The following CUL1 variants were observed in gnomAD, a reference collection of about 807,000 sequenced individuals.
The protein encoded by CUL1 is cullin 1, also known as cullin-1.
A neutral mutation model predicts 118.0 loss-of-function variants in CUL1; 24 were observed. The ratio of observed to expected loss-of-function variants is 0.20; its 90% CI spans 0.15 to 0.29. The LOEUF (loss-of-function observed/expected upper bound fraction) is 0.29, where lower values mean the gene tolerates loss of function less well. Ranked by LOEUF, CUL1 falls within the 10% of genes least tolerant of loss-of-function variation. The pLI, the probability that CUL1 is intolerant of heterozygous loss-of-function variation, is 1.00. For synonymous variants in CUL1, 332 were observed against 340.4 expected (o/e 0.98, Z 0.27); for missense variants, 361 against 933.8 (o/e 0.39, Z 7.99).
chr7:148,707,020 G>A (rs903734806), intron 1 of CUL1, among the ~76,000 whole-genome samples: 3 of 151,426 alleles, frequency 2.0e-5, no homozygotes, highest in Non-Finnish European at 4.4e-5. Flanking sequence ...TATCTTATAG[G>A]GTATGTATAT....
chr7:148,797,696 T>C, intron 17 of CUL1, 116 bp from the exon 18 acceptor site: 2 of 772,080 alleles, frequency 2.6e-6, no homozygotes, highest in Non-Finnish European at 4.1e-6. Context: ...ACTCTTCTTT[T>C]GGGTGATTTT....
intron 2 of CUL1, among the ~76,000 whole-genome samples, chr7:148,732,315 G>A (rs778635760): frequency 2.6e-5 from 4 of 151,336 alleles, no homozygotes; most frequent in Non-Finnish European, 5.9e-5. Flanking sequence ...ACCTTATTGA[G>A]ATGTAATTAA....
intron 9 of CUL1, among the ~76,000 whole-genome samples, chr7:148,768,191 C>T (rs1388937885): frequency 2.6e-5 from 4 of 152,042 alleles, no homozygotes; most frequent in Non-Finnish European, 5.9e-5. Flanking sequence ...TTCTCTACAC[C>T]CCTCCGCTTC....
intron 16 of CUL1, among the ~76,000 whole-genome samples, chr7:148,791,516 C>T (rs958043099): frequency 4.6e-5 from 7 of 152,244 alleles, no homozygotes; most frequent in African/African-American, 1.7e-4. Context: ...ATGTGTTCCA[C>T]TACAGTACCT....
chr7:148,791,828 C>T (rs941105625), intron 16 of CUL1, among the ~76,000 whole-genome samples: 9 of 152,240 alleles, frequency 5.9e-5, no homozygotes, highest in Non-Finnish European at 1.0e-4. Flanking sequence ...AGGAAGGCGT[C>T]CTCGGGGTGT....
intron 16 of CUL1, among the ~76,000 whole-genome samples, chr7:148,791,829 C>G (rs1351508056): frequency 6.6e-6 from 1 of 152,244 alleles, no homozygotes; most frequent in African/African-American, 2.4e-5. Flanking sequence ...GGAAGGCGTC[C>G]TCGGGGTGTT....
intron 1 of CUL1, among the ~76,000 whole-genome samples, chr7:148,707,242 G>A (rs1342279851): frequency 6.6e-6 from 1 of 152,112 alleles, no homozygotes; most frequent in African/African-American, 2.4e-5. Flanking sequence ...CTTGGAACGA[G>A]CACCTGGAAA....
Position 148,800,664 on chromosome 7 carries a change from GC to G in CUL1, c.*84del. On this transcript the variant is annotated 3_prime_UTR_variant, in exon 22 of 22. Coordinates refer to ENST00000325222, the MANE Select transcript of CUL1 (RefSeq NM_003592.3). This position sits in a 1 kb window ranked among gnomAD's most constrained non-coding sequence, Gnocchi z 4.6. ...ATGAAAACAACTCAAGTTCATAGCAGCCAGCCTGCCGCCATTGGACCTCCCT... is the reference window on the plus strand; with the variant it reads ...ATGAAAACAACTCAAGTTCATAGCAGCAGCCTGCCGCCATTGGACCTCCCT... The G allele has an allele frequency of 8.8e-7, 1 of 1,137,956 alleles. No homozygotes were observed. Among genetic ancestry groups the G allele is most frequent in the Non-Finnish European group, 1.3e-6 (1 of 770,586 alleles). The allele number at this position is 1,137,956 out of a possible 1,614,324, so 70.5% of individuals were successfully genotyped here. A position where few individuals can be genotyped will look rare whatever the true frequency, so the allele number is the denominator to read the frequency against.
intron 2 of CUL1, among the ~76,000 whole-genome samples, chr7:148,746,757 A>G (rs1799321192): frequency 6.6e-6 from 1 of 152,230 alleles, no homozygotes; most frequent in African/African-American, 2.4e-5. Context: ...TAAAAATTCC[A>G]TCTGATGAAA....
At chr7:148,749,325 G>A (rs1265984681) in intron 2 of CUL1, among the ~76,000 whole-genome samples, 1 of 141,732 alleles carries the variant, frequency 7.1e-6, no homozygotes, top group South Asian at 2.3e-4. Context: ...GCTGAGGCAG[G>A]AGAATCACTT....
intron 17 of CUL1, among the ~76,000 whole-genome samples, chr7:148,795,368 G>A (rs1801151288): frequency 6.6e-6 from 1 of 151,994 alleles, no homozygotes; most frequent in Non-Finnish European, 1.5e-5. Flanking sequence ...CTGGGCTCAA[G>A]TGACACTTTC....
At chr7:148,766,468 C>G in intron 7 of CUL1, 93 bp from the exon 8 acceptor site, 2 of 1,106,016 alleles carry the variant, frequency 1.8e-6, no homozygotes, top group Admixed American at 5.6e-5. Flanking sequence ...TTTAATTTGC[C>G]ATTTTTCAGT....
chr7:148,772,464 A>ATT (rs1800247206), intron 9 of CUL1, among the ~76,000 whole-genome samples: 1 of 151,998 alleles, frequency 6.6e-6, no homozygotes, highest in Non-Finnish European at 1.5e-5. Context: ...TGATGGGCTT[A>ATT]TTGAAACATT....
chr7:148,734,032 AAAAAAAAAG>A (rs1798857557), intron 2 of CUL1, among the ~76,000 whole-genome samples: 1 of 137,156 alleles, frequency 7.3e-6, no homozygotes, highest in Non-Finnish European at 1.6e-5. Flanking sequence ...GAAAAGCCAA[AAAAAAAAAG>A]AAAAGAAAAG....
At chr7:148,703,543 T>C (rs925964071) in intron 1 of CUL1, among the ~76,000 whole-genome samples, 1 of 123,958 alleles carries the variant, frequency 8.1e-6, no homozygotes, top group Non-Finnish European at 1.7e-5. Flanking sequence ...TTGTTTTTTG[T>C]TTTTTTTGAG....
intron 1 of CUL1, among the ~76,000 whole-genome samples, chr7:148,725,214 C>CGT (rs201866241): frequency 0.052 from 6,849 of 131,654 alleles, 469 homozygotes; most frequent in African/African-American, 0.21. Flanking sequence ...CACACACACG[C>CGT]GCGCGCTCAC....
At chr7:148,784,828 A>G (rs1800764484) in intron 11 of CUL1, among the ~76,000 whole-genome samples, 1 of 152,242 alleles carries the variant, frequency 6.6e-6, no homozygotes, top group South Asian at 2.1e-4. Flanking sequence ...TACAAAAAAG[A>G]CCGAGAAATA....
chr7:148,746,445 G>A (rs544709092), intron 2 of CUL1, among the ~76,000 whole-genome samples: 76 of 152,212 alleles, frequency 5.0e-4, no homozygotes, highest in African/African-American at 1.6e-3. Flanking sequence ...ACAAACCTTT[G>A]GATATCAAGA....
intron 2 of CUL1, among the ~76,000 whole-genome samples, chr7:148,731,433 A>G (rs991783786): frequency 3.3e-5 from 5 of 152,360 alleles, no homozygotes; most frequent in African/African-American, 1.2e-4. Flanking sequence ...ATATAAAACT[A>G]TGTCAATCTC....
Sources: allele counts gnomAD v4.1 joint callset (sites outside exome capture counted in the v4.1 genomes callset), GRCh38; gene constraint gnomAD v4.1.1; non-coding constraint Gnocchi (gnomAD v3.1); transcripts MANE v1.5; gene names NCBI Gene and HGNC (gene_info 2026-07-23, HGNC 2026-07-21).